The following TRPM7 variants were observed in gnomAD, a reference collection of about 807,000 sequenced individuals.
The protein encoded by TRPM7 is LTRPC ion channel family member 7.
A neutral mutation model predicts 229.7 loss-of-function variants in TRPM7; 134 were observed. The observed-to-expected ratio is 0.58, with a 90% CI of 0.51 to 0.67. TRPM7 has a LOEUF of 0.67. Ranked by LOEUF, TRPM7 falls within the 30% of genes least tolerant of loss-of-function variation. The pLI, the probability that TRPM7 is intolerant of heterozygous loss-of-function variation, is 0.00. For missense variants in TRPM7, 1,901 were observed against 2,210.0 expected (o/e 0.86, Z 2.80); for synonymous variants, 699 against 715.2 (o/e 0.98, Z 0.36).
chr15:50,591,948 A>G lies in TRPM7; in HGVS notation c.4287T>C (p.Ala1429=). The part of the protein sequence containing the change: ...TKDQETVCSK[A]TEGDNTEFGA... ...CAAATTCTGTATTATCTCCTTCTGTAGCTTTAGAGCAAACAGTTTCTTGAT... is the reference window on the plus strand; with the variant it reads ...CAAATTCTGTATTATCTCCTTCTGTGGCTTTAGAGCAAACAGTTTCTTGAT... The change falls in exon 26 of 39, where the codon GCT becomes GCC. Residue 1429 remains alanine, a synonymous_variant. Transcript: ENST00000646667. 6.3e-7 allele frequency: 1 copy of G among 1,590,566 alleles called. No individual in the cohort carries two copies. The highest frequency in any genetic ancestry group is 8.5e-7 in the Non-Finnish European group (1 of 1,173,526).
intron 24 of TRPM7, 45 bp from the exon 25 acceptor site, chr15:50,593,794 GT>G: frequency 6.4e-7 from 1 of 1,561,908 alleles, no homozygotes; most frequent in Non-Finnish European, 8.6e-7. Flanking sequence ...AGCTATCAAG[GT>G]TTCAACTTTA....
chr15:50,666,054 C>G (rs12440712), intron 1 of TRPM7, among the ~76,000 whole-genome samples: 27,636 of 151,804 alleles, frequency 0.18, 3,255 homozygotes, highest in East Asian at 0.46. Context: ...ACTTTAAAAA[C>G]ATATTGAAAG....
rs772875203 is a variant in TRPM7, at chr15:50,583,179, T to C, written c.4487-20A>G. 56 of 1,574,894 alleles carry C rather than the reference T, an allele frequency of 3.6e-5. 1 individual carries two copies. In the Middle Eastern group the frequency reaches 6.9e-4, roughly 19 times the overall value. ...TTTCTGCTAAAAGAAAATTAAAAAATATAAAAAAGCTACACAACTGAAGTT... is the reference window on the plus strand; with the variant it reads ...TTTCTGCTAAAAGAAAATTAAAAAACATAAAAAAGCTACACAACTGAAGTT... On this transcript the variant is annotated intron_variant, in intron 28 of 38. Coordinates refer to ENST00000646667, the MANE Select transcript of TRPM7 (RefSeq NM_017672.6).
chr15:50,676,799 T>A (rs1165336961), intron 1 of TRPM7, among the ~76,000 whole-genome samples: 3 of 152,032 alleles, frequency 2.0e-5, no homozygotes, highest in Non-Finnish European at 4.4e-5. Context: ...CAGTTCAAGG[T>A]GAAAACAGCA....
Position 50,575,104 on chromosome 15 carries a change from C to T in TRPM7, c.4767G>A (p.Glu1589=). The T allele has an allele frequency of 6.2e-7, 1 of 1,612,462 alleles. No individual in the cohort carries two copies. Among genetic ancestry groups the T allele is most frequent in the South Asian group, 1.1e-5 (1 of 90,964 alleles). ...TGTTATTTAGTATGTTGGGTGAACT[C>T]TCTTCCAAACGATACACTGTGACAG... ...GEPVTVYRLE[E]SSPNILNNSM... The change falls in exon 34 of 39, where the codon GAG becomes GAA. Residue 1589 remains glutamate, a synonymous_variant. Transcript: ENST00000646667.
chr15:50,642,854 G>A (rs1437642261), intron 5 of TRPM7, among the ~76,000 whole-genome samples: 1 of 151,222 alleles, frequency 6.6e-6, no homozygotes, highest in Non-Finnish European at 1.5e-5. Context: ...GCTCTAAAGT[G>A]TTGCGTTTTT....
At chr15:50,634,588 T>C (rs1567050389) in intron 7 of TRPM7, 32 bp from the exon 8 acceptor site, 3 of 1,343,844 alleles carry the variant, frequency 2.2e-6, no homozygotes, top group Non-Finnish European at 2.9e-6. Context: ...TAAAAAATTA[T>C]TTCATCCCAA....
intron 36 of TRPM7, among the ~76,000 whole-genome samples, chr15:50,572,691 T>C (rs773764321): frequency 2.0e-5 from 3 of 152,240 alleles, no homozygotes; most frequent in Non-Finnish European, 4.4e-5. Context: ...TCAGAGAGTT[T>C]TTCACAACAT....
At chr15:50,655,701 T>G (rs1030011630) in intron 3 of TRPM7, among the ~76,000 whole-genome samples, 1 of 152,058 alleles carries the variant, frequency 6.6e-6, no homozygotes, top group Non-Finnish European at 1.5e-5. Flanking sequence ...ATGACACCTT[T>G]AAAGTGCTGC....
Position 50,561,536 on chromosome 15 carries a change from G to A in TRPM7, c.*142C>T, listed in dbSNP as rs905546544. On this transcript the variant is annotated 3_prime_UTR_variant, in exon 39 of 39. Transcript: ENST00000646667. ...TGATTAATCAGGTCAAAAGAATATTGACCTTTTAACTGTGCTGGAGTCAGC... is the reference window on the plus strand; with the variant it reads ...TGATTAATCAGGTCAAAAGAATATTAACCTTTTAACTGTGCTGGAGTCAGC... 1 of 833,722 alleles carries A rather than the reference G, an allele frequency of 1.2e-6. No homozygotes were observed. Among genetic ancestry groups the A allele is most frequent in the Admixed American group, 3.2e-5 (1 of 30,844 alleles). The allele number at this position is 833,722 out of a possible 1,614,324, so 51.6% of individuals were successfully genotyped here.
chr15:50,640,552 C>T (rs1183477709), intron 5 of TRPM7, among the ~76,000 whole-genome samples: 1 of 151,172 alleles, frequency 6.6e-6, no homozygotes, highest in African/African-American at 2.4e-5. Flanking sequence ...TCCCAAAGTG[C>T]TGGGATTATA....
chr15:50,580,803 G>C (rs931275964), intron 30 of TRPM7, 71 bp downstream of exon 30: 14 of 1,395,670 alleles, frequency 1.0e-5, no homozygotes, highest in East Asian at 2.3e-5. Context: ...ATGATGTAAA[G>C]AGCAGGAAAA....
intron 28 of TRPM7, among the ~76,000 whole-genome samples, chr15:50,585,532 C>A (rs987977870): frequency 2.6e-5 from 4 of 152,174 alleles, no homozygotes; most frequent in Non-Finnish European, 5.9e-5. Context: ...AGAATGAATA[C>A]TGAATGTTAA....
intron 7 of TRPM7, among the ~76,000 whole-genome samples, chr15:50,635,213 A>T (rs1371549462): frequency 6.7e-6 from 1 of 148,456 alleles, no homozygotes; most frequent in South Asian, 2.2e-4. Flanking sequence ...GCTACTCAGG[A>T]GGGCTGAGGC....
At chr15:50,678,870 A>G (rs988336630) in intron 1 of TRPM7, among the ~76,000 whole-genome samples, 1 of 108,780 alleles carries the variant, frequency 9.2e-6, no homozygotes, top group African/African-American at 3.2e-5. Context: ...ATCTTTGCAA[A>G]AACAAAAAAA....
intron 11 of TRPM7, among the ~76,000 whole-genome samples, chr15:50,624,949 GGAAAA>G (rs1188028285): frequency 2.0e-5 from 3 of 152,152 alleles, no homozygotes; most frequent in African/African-American, 4.8e-5. Context: ...TCATCATTAT[GGAAAA>G]GAAATCACTT....
chr15:50,668,824 A>G (rs910139503), intron 1 of TRPM7, among the ~76,000 whole-genome samples: 10 of 142,858 alleles, frequency 7.0e-5, no homozygotes, highest in African/African-American at 9.9e-5. Flanking sequence ...AGATATTTGT[A>G]TAAGTGCAGT....
intron 38 of TRPM7, among the ~76,000 whole-genome samples, chr15:50,562,516 T>A (rs925156037): frequency 2.0e-5 from 3 of 152,098 alleles, no homozygotes; most frequent in African/African-American, 7.2e-5. Context: ...ATGCCTGTAA[T>A]CTCAGCACTT....
chr15:50,638,882 T>C (rs2061003527), intron 6 of TRPM7, among the ~76,000 whole-genome samples: 1 of 152,278 alleles, frequency 6.6e-6, no homozygotes, highest in African/African-American at 2.4e-5. Flanking sequence ...GGTTTCACCA[T>C]GTTGGCCAGG....
Sources: gnomAD v4.1 joint callset for allele counts (sites outside exome capture counted in the v4.1 genomes callset) on GRCh38, gnomAD v4.1.1 for gene constraint, MANE v1.5 for transcripts, NCBI Gene and HGNC (gene_info 2026-07-23, HGNC 2026-07-21) for gene names.